Variants in MACROD2 observed in about 807,000 individuals in gnomAD.
The protein encoded by MACROD2 is ADP-ribose glycohydrolase MACROD2.
A neutral mutation model predicts 70.4 loss-of-function variants in MACROD2; 36 were observed. The observed-to-expected ratio is 0.51, with a 90% confidence interval of 0.39 to 0.68. The LOEUF (loss-of-function observed/expected upper bound fraction) is 0.68. MACROD2 is among the 30% of genes least tolerant of loss of function. The pLI, the probability that MACROD2 is intolerant of heterozygous loss-of-function variation, is 0.00. For missense variants in MACROD2, 496 were observed against 538.4 expected, an observed-to-expected ratio of 0.92 and a Z score of 0.78; for synonymous variants, 172 against 178.8, an observed-to-expected ratio of 0.96 and a Z score of 0.30.
intron 3 of MACROD2, among the ~76,000 whole-genome samples, chr20:14,101,080 G>A (rs1390378827): frequency 6.7e-6 from 1 of 150,200 alleles, no homozygotes; most frequent in African/African-American, 2.4e-5. Context: ...TTTGATAATT[G>A]TCCACCTTAC....
chr20:16,049,142 C>A (rs1396760567), intron 17 of MACROD2, among the ~76,000 whole-genome samples: 1 of 151,790 alleles, frequency 6.6e-6, no homozygotes, highest in Non-Finnish European at 1.5e-5. Flanking sequence ...ATCATTTGTT[C>A]ATTCCAGCAG....
intron 5 of MACROD2, among the ~76,000 whole-genome samples, chr20:15,168,718 G>A (rs1383467238): frequency 6.6e-6 from 1 of 152,052 alleles, no homozygotes; most frequent in African/African-American, 2.4e-5. Context: ...GTGATAGTGA[G>A]TTCCTGTAGT....
chr20:14,537,577 G>C (rs374061340), intron 4 of MACROD2, among the ~76,000 whole-genome samples: 1 of 152,112 alleles, frequency 6.6e-6, no homozygotes, highest in African/African-American at 2.4e-5. Context: ...GTGTGTATAG[G>C]AACCAGATAG....
chr20:16,043,011 TAAATG>T (rs2067328162), intron 16 of MACROD2, among the ~76,000 whole-genome samples: 1 of 152,004 alleles, frequency 6.6e-6, no homozygotes, highest in Admixed American at 6.6e-5. Flanking sequence ...TTTGTGCAAA[TAAATG>T]AAAACTGCCC....
intron 4 of MACROD2, among the ~76,000 whole-genome samples, chr20:14,671,144 A>G (rs2123560189): frequency 6.6e-6 from 1 of 152,276 alleles, no homozygotes; most frequent in East Asian, 1.9e-4. Flanking sequence ...ATGAGAATTG[A>G]TAGTGGGTAG....
chr20:14,544,711 G>A (rs568956692), intron 4 of MACROD2, among the ~76,000 whole-genome samples: 4 of 152,208 alleles, frequency 2.6e-5, no homozygotes, highest in East Asian at 3.9e-4. Flanking sequence ...GGGCAGAGAA[G>A]GAAAAAAGCC....
chr20:16,007,904 A>C (rs1006188809), intron 15 of MACROD2, among the ~76,000 whole-genome samples: 7 of 152,278 alleles, frequency 4.6e-5, no homozygotes, highest in African/African-American at 1.4e-4. Flanking sequence ...AAAATCACCC[A>C]ACTTTATATA....
chr20:14,841,890 C>T (rs1160870985), intron 5 of MACROD2, among the ~76,000 whole-genome samples: 3 of 152,002 alleles, frequency 2.0e-5, no homozygotes, highest in Non-Finnish European at 4.4e-5. Flanking sequence ...CCATGTCATT[C>T]CCCCTTTCCT....
intron 5 of MACROD2, among the ~76,000 whole-genome samples, chr20:14,952,838 A>G (rs955905874): frequency 1.3e-5 from 2 of 152,162 alleles, no homozygotes; most frequent in Non-Finnish European, 2.9e-5. Flanking sequence ...TCCTTTTTAA[A>G]GGAACATGAC....
intron 4 of MACROD2, among the ~76,000 whole-genome samples, chr20:14,648,755 G>A (rs1034678546): frequency 2.6e-5 from 4 of 151,602 alleles, no homozygotes; most frequent in South Asian, 2.1e-4. Flanking sequence ...TATTCAGTTG[G>A]GTCTTATTAA....
chr20:14,746,294 A>G (rs1342973757), intron 5 of MACROD2, among the ~76,000 whole-genome samples: 1 of 152,142 alleles, frequency 6.6e-6, no homozygotes, highest in Non-Finnish European at 1.5e-5. Context: ...TTGCAGGCAA[A>G]TATATTCTCC....
chr20:15,981,609 A>G (rs2066401236), intron 13 of MACROD2, among the ~76,000 whole-genome samples: 1 of 152,110 alleles, frequency 6.6e-6, no homozygotes, highest in Non-Finnish European at 1.5e-5. Flanking sequence ...AGCTAATTGC[A>G]AAAAACAAAT....
chr20:15,602,897 T>A (rs2048841769), intron 8 of MACROD2, among the ~76,000 whole-genome samples: 1 of 151,774 alleles, frequency 6.6e-6, no homozygotes, highest in Non-Finnish European at 1.5e-5. Context: ...TCTTATAGTT[T>A]TTTTTTAATA....
intron 17 of MACROD2, among the ~76,000 whole-genome samples, chr20:16,047,869 T>C (rs2067405342): frequency 6.6e-6 from 1 of 152,082 alleles, no homozygotes; most frequent in Admixed American, 6.6e-5. Flanking sequence ...ACGTAAGGAG[T>C]TGGAACTGAT....
At chr20:15,721,428 T>C (rs1173556501) in intron 8 of MACROD2, among the ~76,000 whole-genome samples, 1 of 152,212 alleles carries the variant, frequency 6.6e-6, no homozygotes, top group Non-Finnish European at 1.5e-5. Context: ...AGCTATAGTT[T>C]CATCCTTGAC....
At chr20:15,097,456 G>A (rs779338212) in intron 5 of MACROD2, among the ~76,000 whole-genome samples, 2 of 152,008 alleles carry the variant, frequency 1.3e-5, no homozygotes, top group African/African-American at 4.8e-5. Context: ...CTATTTTATT[G>A]CCACTAATAT....
intron 6 of MACROD2, among the ~76,000 whole-genome samples, chr20:15,353,578 G>T (rs2078252300): frequency 6.6e-6 from 1 of 151,872 alleles, no homozygotes; most frequent in African/African-American, 2.4e-5. Context: ...CCTACAAAAT[G>T]GGAGAAAATT....
At chr20:14,921,907 G>A (rs753480014) in intron 5 of MACROD2, among the ~76,000 whole-genome samples, 4 of 152,166 alleles carry the variant, frequency 2.6e-5, no homozygotes, top group Non-Finnish European at 4.4e-5. Context: ...GTTTGTAAAG[G>A]TGTCTGATAT....
chr20:15,162,330 T>C (rs1265595492), intron 5 of MACROD2, among the ~76,000 whole-genome samples: 1 of 151,902 alleles, frequency 6.6e-6, no homozygotes, highest in Non-Finnish European at 1.5e-5. Flanking sequence ...TAAGAGAAAA[T>C]GGAAGACTAG....
Sources: gnomAD v4.1 joint callset for allele counts (sites outside exome capture counted in the v4.1 genomes callset) on GRCh38, gnomAD v4.1.1 for gene constraint, MANE v1.5 for transcripts, NCBI Gene and HGNC (gene_info 2026-07-23, HGNC 2026-07-21) for gene names.